ZNF236: variants seen among roughly 807,000 people sequenced by gnomAD.
The protein encoded by ZNF236 is zinc finger protein 236.
A neutral mutation model predicts 191.2 loss-of-function variants in ZNF236; 50 were observed. The ratio of observed to expected loss-of-function variants is 0.26; its 90% CI spans 0.21 to 0.33. ZNF236 has a LOEUF of 0.33. Ranked by LOEUF, ZNF236 falls within the 10% of genes least tolerant of loss-of-function variation. The pLI, the probability that ZNF236 is intolerant of heterozygous loss-of-function variation, is 1.00. For synonymous variants in ZNF236, 907 were observed against 928.8 expected, an observed-to-expected ratio of 0.98 and a Z score of 0.43; for missense variants, 1,754 against 2,374.5, an observed-to-expected ratio of 0.74 and a Z score of 5.43.
At chr18:76,958,701 T>C (rs1050085344) in intron 28 of ZNF236, among the ~76,000 whole-genome samples, 1 of 152,144 alleles carries the variant, frequency 6.6e-6, no homozygotes, top group Non-Finnish European at 1.5e-5. Context: ...TCAGGAGTGG[T>C]GGTGTCACTG....
intron 21 of ZNF236, among the ~76,000 whole-genome samples, chr18:76,923,747 A>G (rs756547114): frequency 6.6e-6 from 1 of 152,122 alleles, no homozygotes; most frequent in Non-Finnish European, 1.5e-5. Context: ...GTCCTAGACA[A>G]GGTTCTCCTC....
intron 27 of ZNF236, among the ~76,000 whole-genome samples, chr18:76,948,346 G>C (rs1270726691): frequency 6.6e-6 from 1 of 152,172 alleles, no homozygotes; most frequent in Non-Finnish European, 1.5e-5. Flanking sequence ...AAAGAGATGA[G>C]ATATAACGAG....
chr18:76,848,079 C>T (rs8094688), intron 1 of ZNF236, among the ~76,000 whole-genome samples: 3 of 152,136 alleles, frequency 2.0e-5, no homozygotes, highest in African/African-American at 7.2e-5. Flanking sequence ...TGGGCTTCAC[C>T]TACCTCCTGT....
At chr18:76,929,802 A>T (rs1052127446) in intron 25 of ZNF236, among the ~76,000 whole-genome samples, 1 of 152,230 alleles carries the variant, frequency 6.6e-6, no homozygotes, top group Non-Finnish European at 1.5e-5. Context: ...AATTTATGGT[A>T]ACCTGTTAAA....
At chr18:76,842,030 A>G (rs561313978) in intron 1 of ZNF236, among the ~76,000 whole-genome samples, 2 of 152,210 alleles carry the variant, frequency 1.3e-5, no homozygotes, top group East Asian at 3.9e-4. Context: ...AGAAGCCATT[A>G]TCTTAAGAGG....
rs191964300 is a variant in ZNF236, at chr18:76,907,334, C to T, written c.2298-986C>T. ...TGCAGAGGCAGAAGAGGGGACCAGG[C>T]GGCTCTTTTTTGTGTGTGTGGGTGT... On this transcript the variant is annotated intron_variant, in intron 13 of 30. Transcript: ENST00000320610. Among the ~76,000 whole-genome samples, 33 of 152,286 alleles carry T rather than the reference C, an allele frequency of 2.2e-4. No homozygotes were observed. The East Asian group carries it at 3.5e-3, about 16-fold the overall frequency.
chr18:76,892,361 A>G (rs946409676), intron 9 of ZNF236, among the ~76,000 whole-genome samples: 1 of 151,590 alleles, frequency 6.6e-6, no homozygotes, highest in Non-Finnish European at 1.5e-5. Flanking sequence ...GTATCTCTAG[A>G]TCACAATAAA....
rs1967192961 is a variant in ZNF236 at position 76,910,640 on chromosome 18, T to C, written c.2654-20T>C. 6.2e-7 allele frequency: 1 copy of C among 1,604,940 alleles called. No individual in the cohort carries two copies. The highest frequency in any genetic ancestry group is 8.5e-7 in the Non-Finnish European group (1 of 1,174,862). ...AACTTTAATATTTTTGTAGAACTCC[T>C]CTTTTCTAATTTATTTTAGGTTTTA... On this transcript the variant is annotated intron_variant, in intron 15 of 30. Transcript: ENST00000320610.
intron 3 of ZNF236, among the ~76,000 whole-genome samples, chr18:76,865,720 C>T (rs1976387434): frequency 6.6e-6 from 1 of 152,144 alleles, no homozygotes; most frequent in Non-Finnish European, 1.5e-5. Flanking sequence ...ACTAAAATTG[C>T]TTCCTAAGGG....
Position 76,910,188 on chromosome 18 carries a change from A to G in ZNF236, c.2653+19A>G, listed in dbSNP as rs376369174. The G allele has an allele frequency of 5.4e-5, 87 of 1,597,768 alleles. No individual in the cohort carries two copies. The South Asian group carries it at 7.3e-4, about 13-fold the overall frequency. On this transcript the variant is annotated intron_variant, in intron 15 of 30. Transcript: ENST00000320610. ...CCCCAAGGTCAGTGGTGGGTTTTCA[A>G]TGAAATTTGTAAGTGAGCTATACTT... is the stretch of plus-strand genomic sequence containing the variant.
At chr18:76,943,465 A>T (rs1283447149) in intron 26 of ZNF236, among the ~76,000 whole-genome samples, 1 of 152,216 alleles carries the variant, frequency 6.6e-6, no homozygotes, top group East Asian at 1.9e-4. Flanking sequence ...AATGATTTTT[A>T]GTTCTTATTC....
intron 26 of ZNF236, 147 bp from the exon 27 acceptor site, chr18:76,947,374 T>C: frequency 1.1e-6 from 1 of 935,504 alleles, no homozygotes; most frequent in Non-Finnish European, 1.6e-6. Flanking sequence ...TTCTCTTGGG[T>C]TGCTGGGTTA....
chr18:76,968,569 C>G lies in ZNF236; in HGVS notation c.*230C>G. The G allele has an allele frequency of 1.6e-6, 2 of 1,289,956 alleles. No homozygotes were observed. Among genetic ancestry groups the G allele is most frequent in the Non-Finnish European group, 2.0e-6 (2 of 1,022,976 alleles). 79.9% of individuals were successfully genotyped at this position (1,289,956 alleles called of 1,614,324 possible). On this transcript the variant is annotated 3_prime_UTR_variant, in exon 31 of 31. Transcript: ENST00000320610. Reference sequence around the variant, plus strand: ...GTCTACAAATCACTGAACTCAGGTACTACTGTAGGCAGTTTCCTCCTCAGT... The same window carrying G: ...GTCTACAAATCACTGAACTCAGGTAGTACTGTAGGCAGTTTCCTCCTCAGT...
At chr18:76,891,725 C>A (rs1392349158) in intron 9 of ZNF236, among the ~76,000 whole-genome samples, 1 of 147,674 alleles carries the variant, frequency 6.8e-6, no homozygotes, top group African/African-American at 2.5e-5. Context: ...TTTTTTTTTT[C>A]AGGTGGCCAC....
At chr18:76,898,924 A>C in intron 10 of ZNF236, 95 bp from the exon 11 acceptor site, 1 of 1,072,688 alleles carries the variant, frequency 9.3e-7, no homozygotes, top group South Asian at 1.5e-5. Context: ...TGAAGGTTCA[A>C]ATCAGTATTG....
intron 1 of ZNF236, chr18:76,849,300 T>C (rs1035792742): frequency 7.0e-6 from 3 of 428,634 alleles, no homozygotes; most frequent in African/African-American, 6.2e-5. Flanking sequence ...CCCACCAATA[T>C]GTATTTAGAA....
chr18:76,895,118 A>G lies in ZNF236; in HGVS notation c.1523A>G (p.His508Arg). The G allele has an allele frequency of 6.2e-7, 1 of 1,611,632 alleles. No individual in the cohort carries two copies. The highest frequency in any genetic ancestry group is 8.5e-7 in the Non-Finnish European group (1 of 1,180,006). ...GTCCGCCACATCCGCATCCACACCCACGAGAAGCCCTTCAAGTGCCCGCAG... is the reference window on the plus strand; with the variant it reads ...GTCCGCCACATCCGCATCCACACCCGCGAGAAGCCCTTCAAGTGCCCGCAG... ...DLVRHIRIHT[H>R]EKPFKCPQCF... is the part of the protein sequence containing the mutation. The change falls in exon 10 of 31, where the codon CAC becomes CGC. Residue 508 changes from histidine to arginine, a missense_variant. Coordinates refer to ENST00000320610, the MANE Select transcript of ZNF236 (RefSeq NM_001306089.2).
intron 26 of ZNF236, among the ~76,000 whole-genome samples, chr18:76,944,546 C>T (rs901989389): frequency 6.6e-5 from 10 of 152,014 alleles, no homozygotes; most frequent in South Asian, 2.1e-4. Flanking sequence ...AATCGCAGGC[C>T]GAGGCGGGTG....
At chr18:76,859,525 T>C (rs1976152738) in intron 3 of ZNF236, among the ~76,000 whole-genome samples, 1 of 152,208 alleles carries the variant, frequency 6.6e-6, no homozygotes, top group South Asian at 2.1e-4. Flanking sequence ...GTCTGTATCC[T>C]TGCATTTCCT....
Sources: gnomAD v4.1 joint callset for allele counts (sites outside exome capture counted in the v4.1 genomes callset) on GRCh38, gnomAD v4.1.1 for gene constraint, MANE v1.5 for transcripts, NCBI Gene and HGNC (gene_info 2026-07-23, HGNC 2026-07-21) for gene names.